The following NUP93 variants were observed in gnomAD, a reference collection of about 807,000 sequenced individuals.
NUP93 encodes the protein nucleoporin 93, also known as nuclear pore complex protein Nup93.
NUP93 carries 55 observed loss-of-function variants against 107.8 expected under a neutral mutation model. That is an observed-to-expected ratio of 0.51 (90% CI 0.41 to 0.64). NUP93 has a LOEUF of 0.64. NUP93 is among the 30% of genes least tolerant of loss of function. The pLI, the probability that NUP93 is intolerant of heterozygous loss-of-function variation, is 0.00. For missense variants in NUP93, 937 were observed against 1,044.7 expected, an observed-to-expected ratio of 0.90 and a Z score of 1.42; for synonymous variants, 390 against 397.5, an observed-to-expected ratio of 0.98 and a Z score of 0.22.
At chr16:56,781,826 A>G in intron 3 of NUP93, 1 of 984,846 alleles carries the variant, frequency 1.0e-6, no homozygotes, top group Non-Finnish European at 1.2e-6. Context: ...TAACCTATAA[A>G]CTGTTACTCC....
chr16:56,799,310 A>G (rs1425699565), intron 4 of NUP93, among the ~76,000 whole-genome samples: 1 of 152,234 alleles, frequency 6.6e-6, no homozygotes, highest in Non-Finnish European at 1.5e-5. Context: ...ATGCTTGAAA[A>G]GATGGTAAAT....
rs1323683195 is a variant in NUP93, at chr16:56,758,172, T to C, written c.180-366T>C. 3.9e-5 allele frequency among the ~76,000 whole-genome samples: 6 copies of C among 152,324 alleles called. No homozygotes were observed. The East Asian group carries it at 9.6e-4, about 24-fold the overall frequency. On this transcript the variant is annotated intron_variant, in intron 2 of 21. Coordinates refer to ENST00000308159, the MANE Select transcript of NUP93 (RefSeq NM_014669.5). ...CTTTGGGCAAGCTGGCTAACCTCTT[T>C]GTACCTTAGTTCTCTCATCCATAAA... is the stretch of plus-strand genomic sequence containing the variant.
At chr16:56,794,091 TA>T (rs1223780435) in intron 3 of NUP93, among the ~76,000 whole-genome samples, 2 of 78,114 alleles carry the variant, frequency 2.6e-5, no homozygotes, top group African/African-American at 9.2e-5. Context: ...GGTAGGTAGG[TA>T]GATAGATAGA....
intron 21 of NUP93, among the ~76,000 whole-genome samples, chr16:56,843,502 G>T (rs964490161): frequency 3.9e-5 from 6 of 152,126 alleles, no homozygotes; most frequent in African/African-American, 7.2e-5. Flanking sequence ...TAAAAGCTGC[G>T]TGCCCAAGAA....
At chr16:56,831,755 A>G in intron 10 of NUP93, 87 bp from the exon 11 acceptor site, 1 of 1,354,838 alleles carries the variant, frequency 7.4e-7, no homozygotes, top group South Asian at 1.3e-5. Flanking sequence ...CCCTGCTTTT[A>G]TGTGTTTGGG....
chr16:56,760,454 A>G (rs1181117167), intron 3 of NUP93, among the ~76,000 whole-genome samples: 1 of 152,198 alleles, frequency 6.6e-6, no homozygotes, highest in African/African-American at 2.4e-5. Flanking sequence ...TGCAGGCTGT[A>G]CAAGAAGCAT....
At chr16:56,801,015 A>G (rs1963008678) in intron 4 of NUP93, among the ~76,000 whole-genome samples, 1 of 152,206 alleles carries the variant, frequency 6.6e-6, no homozygotes, top group Non-Finnish European at 1.5e-5. Flanking sequence ...TTTAATTTAT[A>G]ATAATTTCTC....
rs148421556 is a variant in NUP93, at chr16:56,831,871, G to T, written c.1115G>T (p.Arg372Leu). ...TCCCCAGCTACGGAAAACAAGCTCC[G>T]GCTGCATTACCGTAGGGCCCTCAGG... ...RLSPATENKL[R>L]LHYRRALRNN... is the part of the protein sequence containing the mutation. Residue 372 changes from arginine to leucine, a missense_variant, in exon 11 of 22, where the codon CGG becomes CTG. Coordinates refer to ENST00000308159, the MANE Select transcript of NUP93 (RefSeq NM_014669.5). 5 of 1,613,930 alleles carry T rather than the reference G, an allele frequency of 3.1e-6. No homozygotes were observed. The highest frequency in any genetic ancestry group is 1.7e-4 in the Middle Eastern group (1 of 6,060).
intron 8 of NUP93, among the ~76,000 whole-genome samples, chr16:56,828,194 TAA>T (rs34184189): frequency 1.7e-4 from 19 of 113,400 alleles, no homozygotes; most frequent in South Asian, 3.0e-4. Context: ...CCCTGCCTCT[TAA>T]AAAAAAAAAA....
chr16:56,760,813 T>C (rs1435681471), intron 3 of NUP93, among the ~76,000 whole-genome samples: 1 of 152,078 alleles, frequency 6.6e-6, no homozygotes, highest in African/African-American at 2.4e-5. Flanking sequence ...CGGGGCATGG[T>C]GGCGCACTCC....
chr16:56,806,062 T>C (rs1178509837), intron 5 of NUP93, among the ~76,000 whole-genome samples: 4 of 149,080 alleles, frequency 2.7e-5, no homozygotes, highest in Non-Finnish European at 5.9e-5. Flanking sequence ...CTAGTTGCCT[T>C]CTTGGCTCTG....
intron 5 of NUP93, among the ~76,000 whole-genome samples, chr16:56,814,769 G>C (rs1282407875): frequency 6.6e-6 from 1 of 152,184 alleles, no homozygotes; most frequent in Non-Finnish European, 1.5e-5. Flanking sequence ...AAGAAACCCT[G>C]TTGTCTTCCC....
At chr16:56,766,615 C>G (rs553805117) in intron 3 of NUP93, among the ~76,000 whole-genome samples, 2 of 152,262 alleles carry the variant, frequency 1.3e-5, no homozygotes, top group Middle Eastern at 3.4e-3. Flanking sequence ...AGATGGCAGC[C>G]CTTTACCCAT....
chr16:56,799,133 A>G (rs555913958), intron 4 of NUP93, among the ~76,000 whole-genome samples: 4 of 152,214 alleles, frequency 2.6e-5, no homozygotes, highest in Non-Finnish European at 4.4e-5. Context: ...TTGTTATTGT[A>G]TAAATGGCAT....
chr16:56,744,499 A>G (rs1198619634), intron 1 of NUP93, among the ~76,000 whole-genome samples: 1 of 152,248 alleles, frequency 6.6e-6, no homozygotes. Context: ...GGAAACTTTA[A>G]TAAAACTTTT....
At chr16:56,828,160 C>G (rs542786329) in intron 8 of NUP93, among the ~76,000 whole-genome samples, 3 of 149,084 alleles carry the variant, frequency 2.0e-5, no homozygotes, top group Non-Finnish European at 4.4e-5. Flanking sequence ...GGCACTGCAT[C>G]CCAGCCTGGG....
In NUP93 at chr16:56,833,348, A is replaced by G. The variant is rs145055490; in HGVS notation, c.1479A>G (p.Ala493=). ...ERLRCHAVHV[A]LVLFELKLLL... Reference sequence around the variant, plus strand: ...TGCGCTGCCATGCTGTCCATGTAGCACTGGTGCTGTTTGAGCTGAAGCTGC... The same window carrying G: ...TGCGCTGCCATGCTGTCCATGTAGCGCTGGTGCTGTTTGAGCTGAAGCTGC... Residue 493 remains alanine (A), a synonymous_variant, in exon 13 of 22, where the codon GCA becomes GCG. Coordinates refer to ENST00000308159, the MANE Select transcript of NUP93 (RefSeq NM_014669.5). 123 of 1,593,174 alleles carry G rather than the reference A, an allele frequency of 7.7e-5. No homozygotes were observed. The African/African-American group carries it at 1.5e-3, about 20-fold the overall frequency.
At chr16:56,780,735 G>T (rs1261677890) in intron 3 of NUP93, among the ~76,000 whole-genome samples, 1 of 152,124 alleles carries the variant, frequency 6.6e-6, no homozygotes, top group Non-Finnish European at 1.5e-5. Flanking sequence ...TCATGAAATT[G>T]GCAAATATTA....
intron 3 of NUP93, among the ~76,000 whole-genome samples, chr16:56,767,485 TACTG>T (rs746365192): frequency 5.3e-5 from 8 of 152,212 alleles, no homozygotes; most frequent in African/African-American, 2.4e-5. Flanking sequence ...TTTTAAAAAT[TACTG>T]ACTAATTTGG....
Sources: allele counts gnomAD v4.1 joint callset (sites outside exome capture counted in the v4.1 genomes callset), GRCh38; gene constraint gnomAD v4.1.1; transcripts MANE v1.5; gene names NCBI Gene and HGNC (gene_info 2026-07-23, HGNC 2026-07-21).